The following WNK1 variants were observed in gnomAD, a reference collection of about 807,000 sequenced individuals.
WNK1 encodes the protein WNK lysine deficient protein kinase 1, also known as serine/threonine-protein kinase WNK1.
A neutral mutation model predicts 222.8 loss-of-function variants in WNK1; 38 were observed. The observed-to-expected ratio is 0.17, with a 90% CI of 0.13 to 0.22. The LOEUF is 0.22. Ranked by LOEUF, WNK1 falls within the 10% of genes least tolerant of loss-of-function variation. The pLI, the probability that WNK1 is intolerant of heterozygous loss-of-function variation, is 1.00. For synonymous variants in WNK1, 1,090 were observed against 1,092.9 expected (o/e 1.00, Z 0.05); for missense variants, 2,348 against 2,918.4 (o/e 0.80, Z 4.50).
In WNK1 at chr12:813,910, C is replaced by T. The variant is rs72648611; in HGVS notation, c.932+96C>T. On this transcript the variant is annotated intron_variant, in intron 2 of 27. Transcript: ENST00000315939. The stretch of plus-strand genomic sequence containing the variant: ...ACCAGTTTCACTTTGGTTGTTCAGC[C>T]TAAGAAGGGAACAGTCCTTCCAACT... 9.9e-5 allele frequency: 131 copies of T among 1,327,016 alleles called. No homozygotes were observed. The African/African-American group carries it at 1.9e-3, about 19-fold the overall frequency. The allele number at this position is 1,327,016 out of a possible 1,614,324, so 82.2% of individuals were successfully genotyped here. A position where few individuals can be genotyped will look rare whatever the true frequency, so the allele number is the denominator to read the frequency against.
chr12:899,205 A>G (rs1396837130), intron 25 of WNK1, among the ~76,000 whole-genome samples: 1 of 152,260 alleles, frequency 6.6e-6, no homozygotes, highest in Non-Finnish European at 1.5e-5. Context: ...ACAGATATCC[A>G]AATGTAGCAC....
chr12:879,866 A>G lies in WNK1; in HGVS notation c.2667A>G (p.Ser889=). ...SATTAAIPGV[S]TVVPSQLPTL... is the part of the protein sequence containing the mutation. Reference sequence around the variant, plus strand: ...CAACAGCTGCGATCCCGGGGGTATCAACTGTGGTTCCTAGTCAGCTTCCAA... The same window carrying G: ...CAACAGCTGCGATCCCGGGGGTATCGACTGTGGTTCCTAGTCAGCTTCCAA... Residue 889 remains serine, a synonymous_variant, in exon 11 of 28, where the codon TCA becomes TCG. Coordinates refer to ENST00000315939, the MANE Select transcript of WNK1 (RefSeq NM_018979.4). The G allele has an allele frequency of 6.2e-7, 1 of 1,614,138 alleles. No homozygotes were observed. Among genetic ancestry groups the G allele is most frequent in the Non-Finnish European group, 8.5e-7 (1 of 1,180,028 alleles).
At chr12:801,574 ATTT>A (rs35504521) in intron 1 of WNK1, among the ~76,000 whole-genome samples, 1 of 133,994 alleles carries the variant, frequency 7.5e-6, no homozygotes, top group African/African-American at 2.8e-5. Flanking sequence ...ATGCCTGACC[ATTT>A]TTTTTTTTTT....
intron 2 of WNK1, among the ~76,000 whole-genome samples, chr12:819,573 A>T (rs1947668487): frequency 6.6e-6 from 1 of 152,152 alleles, no homozygotes; most frequent in Non-Finnish European, 1.5e-5. Context: ...ATTTTGATAA[A>T]ATCCAATGTA....
chr12:871,664 G>A (rs1489561095), intron 9 of WNK1, among the ~76,000 whole-genome samples: 1 of 152,044 alleles, frequency 6.6e-6, no homozygotes, highest in Non-Finnish European at 1.5e-5. Context: ...GTGCAGTGGT[G>A]CAATCTTAGC....
In WNK1 at chr12:908,861, G is replaced by GGGGGGGGGGGGGCC; in HGVS notation, c.*69_*70insGGGGGGGGGGGGCC. 6 of 491,834 alleles carry GGGGGGGGGGGGGCC rather than the reference G, an allele frequency of 1.2e-5. No homozygotes were observed. The highest frequency in any genetic ancestry group is 1.7e-5 in the Non-Finnish European group (4 of 241,764). The allele number at this position is 491,834 out of a possible 1,614,324, so 30.5% of individuals were successfully genotyped here. A position where few individuals can be genotyped will look rare whatever the true frequency, so the allele number is the denominator to read the frequency against. On this transcript the variant is annotated 3_prime_UTR_variant, in exon 28 of 28. Coordinates refer to ENST00000315939, the MANE Select transcript of WNK1 (RefSeq NM_018979.4). ...ATGCTGAGGGGGTGGGTGGGGGTGG[G>GGGGGGGGGGGGGCC]AAGTAGCCTATATACTAACTACTAG...
intron 25 of WNK1, among the ~76,000 whole-genome samples, chr12:900,024 T>TTC (rs1955115972): frequency 6.7e-6 from 1 of 148,364 alleles, no homozygotes; most frequent in African/African-American, 2.5e-5. Flanking sequence ...TTCTTTTTTT[T>TTC]TTTTTTTTTT....
At chr12:844,415 C>T (rs929758963) in intron 4 of WNK1, among the ~76,000 whole-genome samples, 2 of 152,142 alleles carry the variant, frequency 1.3e-5, no homozygotes, top group South Asian at 2.1e-4. Flanking sequence ...GGATTACAGG[C>T]GTGAACGACC....
intron 8 of WNK1, among the ~76,000 whole-genome samples, chr12:870,737 G>GC (rs1952070381): frequency 1.3e-5 from 2 of 152,106 alleles, no homozygotes; most frequent in Admixed American, 1.3e-4. Flanking sequence ...ATTGCCAAGT[G>GC]CCCCCCTGGG....
intron 6 of WNK1, among the ~76,000 whole-genome samples, chr12:859,699 A>G (rs1241833234): frequency 1.4e-5 from 2 of 146,454 alleles, no homozygotes; most frequent in Non-Finnish European, 3.0e-5. Flanking sequence ...AGTCCTTTTT[A>G]AAAGTAAATT....
chr12:758,373 CTTT>C (rs397957357), intron 1 of WNK1, among the ~76,000 whole-genome samples: 1 of 64,728 alleles, frequency 1.5e-5, no homozygotes, highest in Non-Finnish European at 2.7e-5. Context: ...TGCTATAGTT[CTTT>C]TTTTTTTTTT....
intron 10 of WNK1, 96 bp from the exon 11 acceptor site, chr12:879,477 T>TTTTTTTGGC: frequency 1.3e-6 from 1 of 782,210 alleles, no homozygotes; most frequent in Non-Finnish European, 1.9e-6. Flanking sequence ...TTCCTTCTTT[T>TTTTTTTGGC]TGGCTAATAC....
At chr12:901,652 T>G in intron 26 of WNK1, 1 of 1,285,732 alleles carries the variant, frequency 7.8e-7, no homozygotes, top group Non-Finnish European at 1.0e-6. Flanking sequence ...GCTTGGCTCT[T>G]TGTGTGTAAC....
At chr12:849,365 A>G (rs1428287739) in intron 4 of WNK1, among the ~76,000 whole-genome samples, 1 of 152,222 alleles carries the variant, frequency 6.6e-6, no homozygotes, top group East Asian at 1.9e-4. Flanking sequence ...GTTACCCATT[A>G]CAACAAAGCA....
Position 868,394 on chromosome 12 carries a change from G to A in WNK1, c.2140-2871G>A, listed in dbSNP as rs563030804. 6 of 1,613,910 alleles carry A rather than the reference G, an allele frequency of 3.7e-6. No individual in the cohort carries two copies. The East Asian group carries it at 8.9e-5, about 24-fold the overall frequency. On this transcript the variant is annotated intron_variant, in intron 8 of 27. Transcript: ENST00000315939. ...GATACCTGAACAGAAGCCAGTACAA[G>A]GGGGCCCTACTTCAAGTTCTGTCTT...
Position 883,793 on chromosome 12 carries a change from A to T in WNK1, c.3683A>T (p.Lys1228Ile). ...SGSQKLEGEF[K>I]QPIPASSMPQ... ...TTGTAGAAATTGGAAGGAGAGTTCA[A>T]ACAACCAATTCCTGCGTCTTCCATG... The change falls in exon 17 of 28, where the codon AAA becomes ATA. Residue 1228 changes from lysine to isoleucine, a missense_variant. Physicochemically the swap from Lys to Ile is moderately radical, Grantham distance 102 (BLOSUM62 -3). Coordinates refer to ENST00000315939, the MANE Select transcript of WNK1 (RefSeq NM_018979.4). The T allele has an allele frequency of 6.2e-7, 1 of 1,614,196 alleles. No individual in the cohort carries two copies. Among genetic ancestry groups the T allele is most frequent in the Non-Finnish European group, 8.5e-7 (1 of 1,180,050 alleles).
At chr12:893,845 A>AATAATAATAATAATAATAATAATT (rs1241694843) in intron 22 of WNK1, among the ~76,000 whole-genome samples, 2 of 150,612 alleles carry the variant, frequency 1.3e-5, no homozygotes, top group Admixed American at 6.7e-5. Flanking sequence ...TAATAATAAT[A>AATAATAATAATAATAATAATAATT]ATTCTGAGAA....
At position 828,143 on chromosome 12, in the gene WNK1, CA is replaced by C. The variant is rs71051393; in HGVS notation, c.1153+894del. Among the ~76,000 whole-genome samples the C allele has an allele frequency of 2.5e-3, 339 of 137,330 alleles. 1 individual carries two copies. Among genetic ancestry groups the C allele is most frequent in the African/African-American group, 5.4e-3 (199 of 37,082 alleles). 90.1% of individuals were successfully genotyped at this position (137,330 alleles called of 152,430 possible). On this transcript the variant is annotated intron_variant, in intron 3 of 27. Transcript: ENST00000315939. ...AGAAACCCCATCTCTATTAAAAATA[CA>C]AAAAAAAAAAAATTAGCCGGGTGTG...
intron 4 of WNK1, among the ~76,000 whole-genome samples, chr12:853,927 C>G (rs1490496146): frequency 6.6e-6 from 1 of 151,306 alleles, no homozygotes; most frequent in East Asian, 2.0e-4. Context: ...AGTTTTTTGT[C>G]TCTTTGGAGA....
Sources: allele counts gnomAD v4.1 joint callset (sites outside exome capture counted in the v4.1 genomes callset), GRCh38; gene constraint gnomAD v4.1.1; transcripts MANE v1.5; gene names NCBI Gene and HGNC (gene_info 2026-07-23, HGNC 2026-07-21).